EYS: variants seen among roughly 807,000 people sequenced by gnomAD.
EYS encodes protein eyes shut homolog.
Under a neutral mutation model 282.1 loss-of-function variants are expected in EYS, and 250 were observed. That is an observed-to-expected ratio of 0.89 (90% CI 0.80 to 0.98). EYS has a LOEUF of 0.98. Among genes scored for constraint, EYS ranks in the 50% least tolerant of loss-of-function variants. EYS has a pLI of 0.00. For missense variants in EYS, 4,016 were observed against 3,709.0 expected (o/e 1.08, Z -2.15); for synonymous variants, 1,355 against 1,282.9 (o/e 1.06, Z -1.20).
At chr6:64,484,674 T>C (rs912887305) in intron 26 of EYS, among the ~76,000 whole-genome samples, 6 of 151,578 alleles carry the variant, frequency 4.0e-5, no homozygotes, top group African/African-American at 1.5e-4. Context: ...CTAGTTAAGA[T>C]TTACTTTTAA....
At chr6:65,422,881 C>A (rs1767520106) in intron 5 of EYS, among the ~76,000 whole-genome samples, 1 of 151,534 alleles carries the variant, frequency 6.6e-6, no homozygotes, top group Non-Finnish European at 1.5e-5. Context: ...AAAGGAACAA[C>A]AGACAAGTGC....
chr6:65,690,823 A>C (rs1243087497), intron 1 of EYS, among the ~76,000 whole-genome samples: 1 of 149,958 alleles, frequency 6.7e-6, no homozygotes, highest in Non-Finnish European at 1.5e-5. Flanking sequence ...ATGAGTGAGA[A>C]CATGTGGTGT....
chr6:64,439,690 C>G (rs892450708), intron 26 of EYS, among the ~76,000 whole-genome samples: 1 of 151,690 alleles, frequency 6.6e-6, no homozygotes, highest in Non-Finnish European at 1.5e-5. Flanking sequence ...GATATTGATA[C>G]AAATTATGAT....
chr6:65,584,998 T>C (rs919842135), intron 2 of EYS, among the ~76,000 whole-genome samples: 5 of 151,606 alleles, frequency 3.3e-5, no homozygotes, highest in African/African-American at 9.7e-5. Flanking sequence ...TTGTATCTTA[T>C]GTTTCTGTTC....
chr6:64,791,783 G>T (rs1181087039), intron 22 of EYS, among the ~76,000 whole-genome samples: 1 of 151,736 alleles, frequency 6.6e-6, no homozygotes, highest in Non-Finnish European at 1.5e-5. Flanking sequence ...GAAAAATTAT[G>T]CTATGTCTCA....
At chr6:64,672,539 T>C (rs1769501287) in intron 22 of EYS, among the ~76,000 whole-genome samples, 1 of 152,184 alleles carries the variant, frequency 6.6e-6, no homozygotes, top group Non-Finnish European at 1.5e-5. Context: ...TTTATTACTC[T>C]CTATGATGGG....
At chr6:65,107,936 A>G (rs1184063105) in intron 12 of EYS, among the ~76,000 whole-genome samples, 3 of 152,136 alleles carry the variant, frequency 2.0e-5, no homozygotes, top group African/African-American at 7.2e-5. Flanking sequence ...ATTCTTTGTT[A>G]TAATTCTTAA....
chr6:64,401,169 G>C (rs746800233), intron 28 of EYS, among the ~76,000 whole-genome samples: 13 of 151,926 alleles, frequency 8.6e-5, no homozygotes, highest in Non-Finnish European at 1.5e-4. Context: ...TATTCAAAAA[G>C]GCAGAAAATA....
At chr6:64,085,277 T>A (rs753032974) in intron 31 of EYS, among the ~76,000 whole-genome samples, 7 of 151,442 alleles carry the variant, frequency 4.6e-5, no homozygotes, top group Non-Finnish European at 7.4e-5. Context: ...TGCCCAGCCC[T>A]CTGTCTCTTT....
chr6:64,463,494 C>T (rs1775822806), intron 26 of EYS, among the ~76,000 whole-genome samples: 2 of 152,246 alleles, frequency 1.3e-5, no homozygotes, highest in South Asian at 4.2e-4. Context: ...TCTAGAATTG[C>T]CTTGATAATA....
intron 26 of EYS, among the ~76,000 whole-genome samples, chr6:64,552,745 A>C: frequency 7.2e-6 from 1 of 138,396 alleles, no homozygotes; most frequent in African/African-American, 2.8e-5. Context: ...AACCCCCCCC[A>C]CCATCTCTAC....
At chr6:64,856,309 T>C (rs1057120462) in intron 19 of EYS, among the ~76,000 whole-genome samples, 2 of 152,088 alleles carry the variant, frequency 1.3e-5, no homozygotes, top group Non-Finnish European at 2.9e-5. Context: ...CATTGGTATT[T>C]TTTTTTCCCA....
chr6:63,941,798 C>A (rs1266192337), intron 35 of EYS, among the ~76,000 whole-genome samples: 3 of 152,236 alleles, frequency 2.0e-5, no homozygotes, highest in East Asian at 3.9e-4. Flanking sequence ...AGCTGCTAAG[C>A]TACTAGGCTA....
At chr6:64,748,753 C>T (rs2149967380) in intron 22 of EYS, among the ~76,000 whole-genome samples, 1 of 152,286 alleles carries the variant, frequency 6.6e-6, no homozygotes, top group African/African-American at 2.4e-5. Flanking sequence ...TATAATGTCA[C>T]ATACTATTTA....
chr6:63,981,492 A>G (rs1767089771), intron 35 of EYS, among the ~76,000 whole-genome samples: 1 of 151,856 alleles, frequency 6.6e-6, no homozygotes, highest in Admixed American at 6.6e-5. Flanking sequence ...CCTGTATGCA[A>G]CGGTGTAAGT....
intron 31 of EYS, among the ~76,000 whole-genome samples, chr6:64,150,580 T>G (rs889702910): frequency 1.3e-5 from 2 of 152,212 alleles, no homozygotes; most frequent in Non-Finnish European, 2.9e-5. Context: ...CAGATTTGAT[T>G]ACTTAAAAAG....
At chr6:65,109,861 T>C (rs1373414404) in intron 12 of EYS, among the ~76,000 whole-genome samples, 1 of 152,162 alleles carries the variant, frequency 6.6e-6, no homozygotes, top group Non-Finnish European at 1.5e-5. Context: ...TTGCTTATTG[T>C]ATTATATACG....
rs138749180 is a variant in EYS, at chr6:64,790,115, G to A, written c.3443+23263C>T. On this transcript the variant is annotated intron_variant, in intron 22 of 42. Transcript: ENST00000503581. The stretch of plus-strand genomic sequence containing the variant: ...GTTTATTTGCTGGAAGAAACTAACA[G>A]GAATCTTTTTTGCTTTGCTTTTGTA... Among the ~76,000 whole-genome samples the A allele has an allele frequency of 2.0e-4, 31 of 151,946 alleles. 1 individual carries two copies. In the East Asian group the frequency reaches 6.0e-3, roughly 29 times the overall value.
intron 13 of EYS, among the ~76,000 whole-genome samples, chr6:65,048,309 GA>G (rs1773162797): frequency 6.6e-6 from 1 of 151,768 alleles, no homozygotes; most frequent in African/African-American, 2.4e-5. Context: ...AAACTCCACT[GA>G]AAACTCTTCT....
Sources: allele counts gnomAD v4.1 joint callset (sites outside exome capture counted in the v4.1 genomes callset), GRCh38; gene constraint gnomAD v4.1.1; transcripts MANE v1.5; gene names NCBI Gene and HGNC (gene_info 2026-07-23, HGNC 2026-07-21).